RBFOX3: variants seen among roughly 807,000 people sequenced by gnomAD.
RBFOX3 encodes the protein RNA binding protein fox-1 homolog 3.
RBFOX3 carries 17 observed loss-of-function variants against 48.7 expected under a neutral mutation model. The observed-to-expected ratio is 0.35, with a 90% CI of 0.24 to 0.52. The LOEUF is 0.52. Among genes scored for constraint, RBFOX3 ranks in the 20% least tolerant of loss-of-function variants. RBFOX3 has a pLI of 0.94. For synonymous variants in RBFOX3, 212 were observed against 209.5 expected, an observed-to-expected ratio of 1.01 and a Z score of -0.10; for missense variants, 382 against 497.5, an observed-to-expected ratio of 0.77 and a Z score of 2.21.
chr17:79,383,535 G>A (rs1376686620), intron 2 of RBFOX3, among the ~76,000 whole-genome samples: 4 of 152,258 alleles, frequency 2.6e-5, no homozygotes, highest in Non-Finnish European at 5.9e-5. Context: ...CATTGCTGAA[G>A]GAACACGCAT....
intron 4 of RBFOX3, among the ~76,000 whole-genome samples, chr17:79,208,200 CTG>C (rs1330680827): frequency 6.6e-6 from 1 of 152,236 alleles, no homozygotes; most frequent in Non-Finnish European, 1.5e-5. Context: ...GGGTCTCCAG[CTG>C]TCAGCCCCGA....
At chr17:79,411,958 G>T (rs980071045) in intron 2 of RBFOX3, among the ~76,000 whole-genome samples, 9 of 152,146 alleles carry the variant, frequency 5.9e-5, no homozygotes, top group Admixed American at 2.0e-4. Flanking sequence ...ATGCACGTGT[G>T]TATATATGCC....
intron 4 of RBFOX3, among the ~76,000 whole-genome samples, chr17:79,155,745 G>C (rs980608030): frequency 3.3e-5 from 5 of 152,136 alleles, no homozygotes; most frequent in African/African-American, 1.2e-4. Flanking sequence ...ACTGGAGGGT[G>C]GGTGGTGGGA....
At chr17:79,156,345 C>T (rs1430991984) in intron 4 of RBFOX3, among the ~76,000 whole-genome samples, 1 of 152,304 alleles carries the variant, frequency 6.6e-6, no homozygotes, top group East Asian at 1.9e-4. Context: ...CTGGACCAGC[C>T]TCCCGGGGCC....
intron 4 of RBFOX3, among the ~76,000 whole-genome samples, chr17:79,130,466 C>T (rs1057435992): frequency 2.6e-4 from 39 of 152,378 alleles, no homozygotes; most frequent in African/African-American, 9.4e-4. Context: ...CGGGCACAGG[C>T]TGGGCCGCTG....
chr17:79,240,765 G>A (rs910935842), intron 3 of RBFOX3, among the ~76,000 whole-genome samples: 12 of 152,062 alleles, frequency 7.9e-5, no homozygotes, highest in Admixed American at 1.3e-4. Context: ...CCAGATTCAC[G>A]CCATTCTCCT....
chr17:79,149,248 C>CCATCTGGG (rs2043760547), intron 4 of RBFOX3, among the ~76,000 whole-genome samples: 1 of 152,206 alleles, frequency 6.6e-6, no homozygotes, highest in African/African-American at 2.4e-5. Flanking sequence ...GGCAGGGCAT[C>CCATCTGGG]CATCTGGGGC....
Position 79,311,324 on chromosome 17 carries a change from C to T in RBFOX3, c.-174-3500G>A, listed in dbSNP as rs1464719275. Among the ~76,000 whole-genome samples the T allele has an allele frequency of 6.6e-6, 1 of 151,424 alleles. No homozygotes were observed. On this transcript the variant is annotated intron_variant, in intron 2 of 14. Coordinates refer to ENST00000693108, the MANE Select transcript of RBFOX3 (RefSeq NM_001350451.2). This position sits in a 1 kb window ranked among gnomAD's most constrained non-coding sequence, Gnocchi z 4.2. Reference sequence around the variant, plus strand: ...GGTGGGCACCTGTAGTTCCAGCTACCCAGGAGGCTGAGGCAGGAGAATCAC... The same window carrying T: ...GGTGGGCACCTGTAGTTCCAGCTACTCAGGAGGCTGAGGCAGGAGAATCAC...
chr17:79,613,271 G>A (rs1201495787), upstream of RBFOX3, among the ~76,000 whole-genome samples: 2 of 152,210 alleles, frequency 1.3e-5, no homozygotes, highest in Non-Finnish European at 2.9e-5. Context: ...AACTGAAATT[G>A]GCCTCTGTGG....
rs891633274 is a variant in RBFOX3 at position 79,487,165 on chromosome 17, A to G, written c.-319-4567T>C. ...GGACAGGGGAAGATTGAGGAGGGCC[A>G]TGGCAGAGGTGTGGGTGAGGCACAC... On this transcript the variant is annotated intron_variant, in intron 1 of 14. Transcript: ENST00000693108. Among the ~76,000 whole-genome samples the G allele has an allele frequency of 2.6e-5, 4 of 152,316 alleles. No individual in the cohort carries two copies. The South Asian group carries it at 6.2e-4, about 24-fold the overall frequency.
At chr17:79,232,820 G>A (rs1210698069) in intron 4 of RBFOX3, among the ~76,000 whole-genome samples, 1 of 152,172 alleles carries the variant, frequency 6.6e-6, no homozygotes, top group Non-Finnish European at 1.5e-5. Flanking sequence ...GTGAGCTACC[G>A]CTACATACCT....
intron 1 of RBFOX3, among the ~76,000 whole-genome samples, chr17:79,516,780 G>A (rs1418321338): frequency 6.6e-6 from 1 of 152,210 alleles, no homozygotes; most frequent in African/African-American, 2.4e-5. Flanking sequence ...GGATGGACGC[G>A]ATGCGCTGGA....
chr17:79,324,604 G>A (rs2079031502), intron 2 of RBFOX3, among the ~76,000 whole-genome samples: 2 of 152,128 alleles, frequency 1.3e-5, no homozygotes, highest in African/African-American at 4.8e-5. Context: ...TCTGCAGGTG[G>A]CCCCCAGCTC....
chr17:79,613,113 TC>T (rs2093981300), upstream of RBFOX3, among the ~76,000 whole-genome samples: 2 of 151,876 alleles, frequency 1.3e-5, no homozygotes, highest in African/African-American at 4.8e-5. Context: ...GGAAGAGGGG[TC>T]CCTGCAAAGC....
chr17:79,514,710 C>T (rs2084995404), intron 1 of RBFOX3, among the ~76,000 whole-genome samples: 1 of 152,236 alleles, frequency 6.6e-6, no homozygotes, highest in East Asian at 1.9e-4. Flanking sequence ...GCACAAGCCT[C>T]TGGGTGGCAT....
intron 3 of RBFOX3, among the ~76,000 whole-genome samples, chr17:79,273,695 T>TGAGCGG (rs2068180210): frequency 6.6e-6 from 1 of 152,094 alleles, no homozygotes; most frequent in Non-Finnish European, 1.5e-5. Context: ...TCAGCCCCAT[T>TGAGCGG]GGCAGTGATG....
chr17:79,567,720 G>T (rs976604862), intron 1 of RBFOX3, among the ~76,000 whole-genome samples: 291 of 152,284 alleles, frequency 1.9e-3, no homozygotes, highest in African/African-American at 6.4e-3. Flanking sequence ...TAGGGCTGTC[G>T]TAAGGATTTG....
intron 1 of RBFOX3, among the ~76,000 whole-genome samples, chr17:79,561,003 T>C (rs2092177522): frequency 6.6e-6 from 1 of 152,076 alleles, no homozygotes; most frequent in Non-Finnish European, 1.5e-5. Context: ...TGGGCCAGGC[T>C]CCCCACCAGA....
At chr17:79,365,127 G>GCGCA (rs2057538945) in intron 2 of RBFOX3, among the ~76,000 whole-genome samples, 1 of 150,754 alleles carries the variant, frequency 6.6e-6, no homozygotes, top group Non-Finnish European at 1.5e-5. Context: ...CTGGATGTGC[G>GCGCA]CACACACACA....
Sources: allele counts gnomAD v4.1 joint callset (sites outside exome capture counted in the v4.1 genomes callset), GRCh38; gene constraint gnomAD v4.1.1; non-coding constraint Gnocchi (gnomAD v3.1); transcripts MANE v1.5; gene names NCBI Gene and HGNC (gene_info 2026-07-23, HGNC 2026-07-21).